MAPK13: variants seen among roughly 807,000 people sequenced by gnomAD.
MAPK13 encodes MAP kinase 13.
A neutral mutation model predicts 53.5 loss-of-function variants in MAPK13; 39 were observed. That is an observed-to-expected ratio of 0.73 (90% confidence interval 0.56 to 0.95). The LOEUF (loss-of-function observed/expected upper bound fraction) is 0.95. Ranked by LOEUF, MAPK13 falls within the 40% of genes least tolerant of loss-of-function variation. The probability of loss-of-function intolerance (pLI) is 0.00; values close to 1 mark genes in which losing one functional copy is unlikely to be tolerated. For synonymous variants in MAPK13, 179 were observed against 190.9 expected (o/e 0.94, Z 0.51); for missense variants, 460 against 471.8 (o/e 0.98, Z 0.23).
chr6:36,142,209 A>AAG lies in MAPK13; in HGVS notation c.*2840_*2841dup, dbSNP rs1766544855. On this transcript the variant is annotated 3_prime_UTR_variant, in exon 12 of 12. Transcript: ENST00000211287. This position sits in a 1 kb window ranked among gnomAD's most constrained non-coding sequence, Gnocchi z 4.4. The stretch of plus-strand genomic sequence containing the variant: ...AAAGGTCTTGACAAGTCCTGCAGTA[A>AAG]AGAGATCCGTTCCTCATTTAATCCA... 6.6e-6 allele frequency: 1 copy of AAG among 152,232 alleles called. No homozygotes were observed. Among genetic ancestry groups the AAG allele is most frequent in the African/African-American group, 2.4e-5 (1 of 41,444 alleles). The allele number at this position is 152,232 out of a possible 1,614,324, so 9.4% of individuals were successfully genotyped here.
intron 3 of MAPK13, among the ~76,000 whole-genome samples, chr6:36,133,523 A>G (rs1481976363): frequency 6.6e-6 from 1 of 152,222 alleles, no homozygotes; most frequent in African/African-American, 2.4e-5. Flanking sequence ...GTGAGGTGGC[A>G]GAGGTGGAGG....
rs1766593213 is a variant in MAPK13 at position 36,144,444 on chromosome 6, A to C, written c.*5071A>C. On this transcript the variant is annotated 3_prime_UTR_variant, in exon 12 of 12. Coordinates refer to ENST00000211287, the MANE Select transcript of MAPK13 (RefSeq NM_002754.5). Reference sequence around the variant, plus strand: ...TCTGTAATTTCTATTGGCACTGCTGATACAACTGCACTTTGCTACCTTTGT... The same window carrying C: ...TCTGTAATTTCTATTGGCACTGCTGCTACAACTGCACTTTGCTACCTTTGT... 1 of 152,248 alleles carries C rather than the reference A, an allele frequency of 6.6e-6. No individual in the cohort carries two copies. The highest frequency in any genetic ancestry group is 2.4e-5 in the African/African-American group (1 of 41,452). The allele number at this position is 152,248 out of a possible 1,614,324, so 9.4% of individuals were successfully genotyped here. A position where few individuals can be genotyped will look rare whatever the true frequency, so the allele number is the denominator to read the frequency against.
Position 36,138,689 on chromosome 6 carries a change from T to C in MAPK13, c.763-13T>C. 2 of 1,613,742 alleles carry C rather than the reference T, an allele frequency of 1.2e-6. No individual in the cohort carries two copies. The highest frequency in any genetic ancestry group is 1.7e-6 in the Non-Finnish European group (2 of 1,179,642). ...CAGAGCCCTAAGGGGTTTGATGCTT[T>C]TCTGTCTTCCAGGCCAAATCCTACA... On this transcript the variant is annotated splice_polypyrimidine_tract_variant and intron_variant, in intron 9 of 11. Transcript: ENST00000211287.
At chr6:36,138,843 G>A (rs1766474035) in intron 10 of MAPK13, 36 bp from the exon 11 acceptor site, 1 of 1,612,570 alleles carries the variant, frequency 6.2e-7, no homozygotes, top group African/African-American at 1.3e-5. Context: ...GGCTCTCCCA[G>A]CCCCTGGTGT....
chr6:36,138,809 C>A (rs1332875108), intron 10 of MAPK13, 29 bp downstream of exon 10: 2 of 1,613,698 alleles, frequency 1.2e-6, no homozygotes, highest in East Asian at 4.5e-5. Flanking sequence ...TCCCCAGGGG[C>A]CTCTCAGCGT....
rs1766515106 is a variant in MAPK13 at position 36,140,626 on chromosome 6, T to G, written c.*1253T>G. ...CCAAGCCTAGTGATTCTGATGGATATCAGACCATAGTTCGAGACATTTAGT... is the reference window on the plus strand; with the variant it reads ...CCAAGCCTAGTGATTCTGATGGATAGCAGACCATAGTTCGAGACATTTAGT... On this transcript the variant is annotated 3_prime_UTR_variant, in exon 12 of 12. Transcript: ENST00000211287. 6.6e-6 allele frequency: 1 copy of G among 152,634 alleles called. No individual in the cohort carries two copies. Among genetic ancestry groups the G allele is most frequent in the African/African-American group, 2.4e-5 (1 of 41,428 alleles). 9.5% of individuals were successfully genotyped at this position (152,634 alleles called of 1,614,324 possible).
chr6:36,131,404 G>A lies in MAPK13; in HGVS notation c.249+4G>A, dbSNP rs1766319927. The A allele has an allele frequency of 6.2e-7, 1 of 1,610,980 alleles. No individual in the cohort carries two copies. The highest frequency in any genetic ancestry group is 8.5e-7 in the Non-Finnish European group (1 of 1,178,204). On this transcript the variant is annotated splice_donor_region_variant and intron_variant, in intron 2 of 11. Transcript: ENST00000211287. ...GAAGCACATGCAGCATGAGAACGTA[G>A]GTGGTGGCTGCCCCGGGGAGGGGGT...
chr6:36,137,020 ACTGT>A, intron 8 of MAPK13, 70 bp downstream of exon 8: 1 of 1,386,632 alleles, frequency 7.2e-7, no homozygotes, highest in Non-Finnish European at 1.0e-6. Context: ...TATTTAAATA[ACTGT>A]CTTTTTTTTC....
At chr6:36,133,687 G>A (rs1244330768) in intron 3 of MAPK13, among the ~76,000 whole-genome samples, 2 of 152,204 alleles carry the variant, frequency 1.3e-5, no homozygotes, top group African/African-American at 4.8e-5. Context: ...CTCAGGAGAC[G>A]AAGGTCTGGG....
chr6:36,143,573 C>T lies in MAPK13; in HGVS notation c.*4200C>T, dbSNP rs1766576570. 1.3e-5 allele frequency: 2 copies of T among 152,170 alleles called. No individual in the cohort carries two copies. Among genetic ancestry groups the T allele is most frequent in the Admixed American group, 1.3e-4 (2 of 15,276 alleles). 9.4% of individuals were successfully genotyped at this position (152,170 alleles called of 1,614,324 possible). ...CTGAGGAGGGAGGAATCTCTCCCTG[C>T]CTCTCCTCCCAACTCTTGGCTTTTG... On this transcript the variant is annotated 3_prime_UTR_variant, in exon 12 of 12. Transcript: ENST00000211287.
Position 36,139,989 on chromosome 6 carries a change from C to A in MAPK13, c.*616C>A, listed in dbSNP as rs1440089177. ...CCACCCTAATCCTGTGTGATCTTAT[C>A]TTGATCCTTATTAATTAAACCTGCA... On this transcript the variant is annotated 3_prime_UTR_variant, in exon 12 of 12. Coordinates refer to ENST00000211287, the MANE Select transcript of MAPK13 (RefSeq NM_002754.5). 1 of 152,328 alleles carries A rather than the reference C, an allele frequency of 6.6e-6. No homozygotes were observed. The highest frequency in any genetic ancestry group is 1.5e-5 in the Non-Finnish European group (1 of 68,128). 9.4% of individuals were successfully genotyped at this position (152,328 alleles called of 1,614,324 possible).
Position 36,136,706 on chromosome 6 carries a change from C to T in MAPK13, c.546C>T (p.Tyr182=), listed in dbSNP as rs1476031. ...ARHADAEMTG[Y]VVTRWYRAPE... ...ATGCAGACGCCGAGATGACTGGCTA[C>T]GTGGTGACCCGCTGGTACCGAGCCC... is the stretch of plus-strand genomic sequence containing the variant. Residue 182 remains tyrosine (Y), a synonymous_variant, in exon 7 of 12, where the codon TAC becomes TAT. Transcript: ENST00000211287. 449 of 1,614,006 alleles carry T rather than the reference C, an allele frequency of 2.8e-4. 4 individuals carry two copies. In the East Asian group the frequency reaches 4.3e-3, roughly 16 times the overall value.
chr6:36,134,347 A>C (rs1367309821), intron 3 of MAPK13, among the ~76,000 whole-genome samples: 2 of 152,182 alleles, frequency 1.3e-5, no homozygotes, highest in African/African-American at 2.4e-5. Flanking sequence ...ACAACAAAAA[A>C]CACAACCTAT....
At chr6:36,131,945 G>A (rs1174100312) in intron 2 of MAPK13, among the ~76,000 whole-genome samples, 3 of 152,196 alleles carry the variant, frequency 2.0e-5, no homozygotes, top group Non-Finnish European at 4.4e-5. Context: ...GAGGCTCCCG[G>A]TCTGAGCACA....
At chr6:36,133,702 G>A (rs1297743725) in intron 3 of MAPK13, among the ~76,000 whole-genome samples, 1 of 152,236 alleles carries the variant, frequency 6.6e-6, no homozygotes, top group Non-Finnish European at 1.5e-5. Flanking sequence ...TCTGGGCTAG[G>A]GATGTGGATT....
intron 1 of MAPK13, 162 bp from the exon 2 acceptor site, chr6:36,131,109 C>T: frequency 1.3e-6 from 1 of 748,928 alleles, no homozygotes; most frequent in East Asian, 3.0e-5. Context: ...CAGCTCCTGC[C>T]TGGCTTCCTA....
At position 36,130,720 on chromosome 6, in the gene MAPK13, T is replaced by TG; in HGVS notation, c.119+25dup. On this transcript the variant is annotated intron_variant, in intron 1 of 11. Transcript: ENST00000211287. The surrounding 1 kb of genome is among the most constrained non-coding windows in gnomAD (Gnocchi z 4.5). ...CCGTGTGGTGAGACCCCTGGGCCGCTGGGGGGCGGGGGGCGGGCGCCAGGC... is the reference window on the plus strand; with the variant it reads ...CCGTGTGGTGAGACCCCTGGGCCGCTGGGGGGGCGGGGGGCGGGCGCCAGGC... 1.5e-6 allele frequency: 1 copy of TG among 668,544 alleles called. No individual in the cohort carries two copies. The highest frequency in any genetic ancestry group is 2.4e-6 in the Non-Finnish European group (1 of 415,422). 41.4% of individuals were successfully genotyped at this position (668,544 alleles called of 1,614,324 possible). A position where few individuals can be genotyped will look rare whatever the true frequency, so the allele number is the denominator to read the frequency against.
Position 36,130,801 on chromosome 6 carries a change from C to T in MAPK13, c.119+100C>T. On this transcript the variant is annotated intron_variant, in intron 1 of 11. Transcript: ENST00000211287. The surrounding 1 kb of genome is among the most constrained non-coding windows in gnomAD (Gnocchi z 4.5). ...TGGCCCCTCGCCAGCGCCACCTTGA[C>T]CGCGGACCTCAAGGCCCAGCGCCCT... 2 of 614,482 alleles carry T rather than the reference C, an allele frequency of 3.3e-6. No homozygotes were observed. Among genetic ancestry groups the T allele is most frequent in the South Asian group, 4.4e-5 (2 of 45,894 alleles). The allele number at this position is 614,482 out of a possible 1,614,324, so 38.1% of individuals were successfully genotyped here.
Position 36,130,606 on chromosome 6 carries a change from C to A in MAPK13, c.24C>A (p.Gly8=), listed in dbSNP as rs200749277. The A allele has an allele frequency of 1.9e-6, 3 of 1,579,930 alleles. No homozygotes were observed. The highest frequency in any genetic ancestry group is 3.5e-5 in the Admixed American group (2 of 57,672). Residue 8 remains glycine, a synonymous_variant, in exon 1 of 12, where the codon GGC becomes GGA. Transcript: ENST00000211287. The surrounding 1 kb of genome is among the most constrained non-coding windows in gnomAD (Gnocchi z 4.5). ...GGATGAGCCTCATCCGGAAAAAGGG[C>A]TTCTACAAGCAGGACGTCAACAAGA... is the stretch of plus-strand genomic sequence containing the variant. MSLIRKK[G]FYKQDVNKTA...
Sources: allele counts gnomAD v4.1 joint callset (sites outside exome capture counted in the v4.1 genomes callset), GRCh38; gene constraint gnomAD v4.1.1; non-coding constraint Gnocchi (gnomAD v3.1); transcripts MANE v1.5; gene names NCBI Gene and HGNC (gene_info 2026-07-23, HGNC 2026-07-21).